Variants in FBXL7 observed in about 807,000 individuals in gnomAD.
The protein encoded by FBXL7 is F-box and leucine rich repeat protein 7.
FBXL7 carries 12 observed loss-of-function variants against 38.3 expected under a neutral mutation model. The ratio of observed to expected loss-of-function variants is 0.31; its 90% CI spans 0.20 to 0.51. The LOEUF is 0.51. Among genes scored for constraint, FBXL7 ranks in the 20% least tolerant of loss-of-function variants. The probability of loss-of-function intolerance (pLI) is 0.98; values close to 1 mark genes in which losing one functional copy is unlikely to be tolerated. For missense variants in FBXL7, 567 were observed against 676.4 expected (o/e 0.84, Z 1.79); for synonymous variants, 297 against 300.9 (o/e 0.99, Z 0.13).
At chr5:15,844,874 C>T (rs141405630) in intron 2 of FBXL7, among the ~76,000 whole-genome samples, 25 of 152,324 alleles carry the variant, frequency 1.6e-4, no homozygotes, top group Admixed American at 3.9e-4. Context: ...CCTGCATCCT[C>T]TCCCTAAAAA....
chr5:15,931,903 C>A (rs1471308304), intron 3 of FBXL7, among the ~76,000 whole-genome samples: 2 of 152,198 alleles, frequency 1.3e-5, no homozygotes, highest in Non-Finnish European at 2.9e-5. Context: ...TTCCCCGGCT[C>A]ACCCCCAGTG....
chr5:15,519,696 A>C (rs1737045882), intron 1 of FBXL7, among the ~76,000 whole-genome samples: 1 of 152,102 alleles, frequency 6.6e-6, no homozygotes, highest in South Asian at 2.1e-4. Context: ...AGCTACCCTT[A>C]TGTTATGGCA....
At chr5:15,690,318 A>G (rs1743142457) in intron 2 of FBXL7, among the ~76,000 whole-genome samples, 1 of 152,264 alleles carries the variant, frequency 6.6e-6, no homozygotes, top group Non-Finnish European at 1.5e-5. Flanking sequence ...AATGATTAGA[A>G]TAAATATACA....
intron 1 of FBXL7, among the ~76,000 whole-genome samples, chr5:15,572,774 T>G (rs1265755829): frequency 1.3e-5 from 2 of 152,146 alleles, no homozygotes; most frequent in Admixed American, 6.5e-5. Flanking sequence ...CAACCTATAG[T>G]CTGTCTTCTC....
At chr5:15,570,608 G>C (rs1738744154) in intron 1 of FBXL7, among the ~76,000 whole-genome samples, 1 of 152,146 alleles carries the variant, frequency 6.6e-6, no homozygotes, top group African/African-American at 2.4e-5. Context: ...TGACTGTTCA[G>C]CTCTATGCAA....
chr5:15,854,103 G>A (rs937231921), intron 2 of FBXL7, among the ~76,000 whole-genome samples: 2 of 152,170 alleles, frequency 1.3e-5, no homozygotes, highest in Non-Finnish European at 2.9e-5. Flanking sequence ...TCTTTAGAGA[G>A]AAATGGTTAT....
At chr5:15,729,839 A>G (rs1006119087) in intron 2 of FBXL7, among the ~76,000 whole-genome samples, 1 of 152,214 alleles carries the variant, frequency 6.6e-6, no homozygotes, top group East Asian at 1.9e-4. Context: ...AAAGGTTGGT[A>G]CTAGTGTTAT....
intron 2 of FBXL7, among the ~76,000 whole-genome samples, chr5:15,763,748 T>G (rs1736513587): frequency 6.6e-6 from 1 of 152,214 alleles, no homozygotes; most frequent in Non-Finnish European, 1.5e-5. Context: ...TAATAACAAT[T>G]ATAAACTGTT....
chr5:15,520,381 G>T (rs1006842419), intron 1 of FBXL7, among the ~76,000 whole-genome samples: 2 of 152,118 alleles, frequency 1.3e-5, no homozygotes, highest in African/African-American at 4.8e-5. Flanking sequence ...ATACCATAAT[G>T]AACTTTTTAA....
At chr5:15,870,267 G>A (rs1324860118) in intron 2 of FBXL7, among the ~76,000 whole-genome samples, 1 of 152,098 alleles carries the variant, frequency 6.6e-6, no homozygotes, top group African/African-American at 2.4e-5. Context: ...AGGCATTCAG[G>A]GGTTGCATGG....
chr5:15,531,356 T>A (rs1261669965), intron 1 of FBXL7, among the ~76,000 whole-genome samples: 1 of 152,212 alleles, frequency 6.6e-6, no homozygotes, highest in Non-Finnish European at 1.5e-5. Context: ...TTTTATAATT[T>A]TTCAAAAATT....
intron 2 of FBXL7, among the ~76,000 whole-genome samples, chr5:15,848,130 G>A (rs1738970514): frequency 6.6e-6 from 1 of 152,152 alleles, no homozygotes; most frequent in African/African-American, 2.4e-5. Context: ...CCATCCAGCA[G>A]TTGTACTGCT....
intron 1 of FBXL7, among the ~76,000 whole-genome samples, chr5:15,537,447 C>A (rs934934308): frequency 2.6e-5 from 4 of 152,178 alleles, no homozygotes; most frequent in African/African-American, 9.7e-5. Flanking sequence ...AAACCATTCA[C>A]TGCATAGAAG....
intron 2 of FBXL7, among the ~76,000 whole-genome samples, chr5:15,917,640 GGGAGGGAAGGAAGGAA>G (rs1286059717): frequency 7.5e-5 from 3 of 39,988 alleles, no homozygotes; most frequent in Non-Finnish European, 1.6e-4. Context: ...AGTAAAGGAA[GGGAGGGAAGGAAGGAA>G]GGAAGGAAGG....
intron 1 of FBXL7, among the ~76,000 whole-genome samples, chr5:15,515,305 A>G (rs1233994306): frequency 6.6e-6 from 1 of 152,202 alleles, no homozygotes; most frequent in Non-Finnish European, 1.5e-5. Context: ...CACTAAAGTG[A>G]CTTGACCAAT....
At chr5:15,835,206 C>T (rs1055925730) in intron 2 of FBXL7, among the ~76,000 whole-genome samples, 9 of 152,170 alleles carry the variant, frequency 5.9e-5, no homozygotes, top group Non-Finnish European at 1.2e-4. Context: ...AATAACCACT[C>T]TTGGCTATCA....
At chr5:15,561,515 A>T (rs1738416392) in intron 1 of FBXL7, among the ~76,000 whole-genome samples, 2 of 152,176 alleles carry the variant, frequency 1.3e-5, no homozygotes, top group Admixed American at 1.3e-4. Flanking sequence ...ATAATGCTGC[A>T]ATGAACATAG....
At position 15,550,344 on chromosome 5, in the gene FBXL7, AGGTAGCTGAGATGGTGTGATT is replaced by A. The variant is rs902163550; in HGVS notation, c.37+49652_37+49672del. Among the ~76,000 whole-genome samples the A allele has an allele frequency of 4.6e-5, 7 of 152,324 alleles. No individual in the cohort carries two copies. The East Asian group carries it at 7.7e-4, about 17-fold the overall frequency. ...CTTCTGGGACATATTTAACAGGCTC[AGGTAGCTGAGATGGTGTGATT>A]GGTAGCTGAGATGGTGTGATGGGTG... On this transcript the variant is annotated intron_variant, in intron 1 of 3. Coordinates refer to ENST00000504595, the MANE Select transcript of FBXL7 (RefSeq NM_012304.5).
intron 2 of FBXL7, among the ~76,000 whole-genome samples, chr5:15,682,781 G>A (rs116736047): frequency 3.4e-4 from 51 of 152,202 alleles, no homozygotes; most frequent in Non-Finnish European, 5.9e-4. Context: ...CATCTTAACT[G>A]ATGGAATCAG....
Sources: allele counts gnomAD v4.1 joint callset (sites outside exome capture counted in the v4.1 genomes callset), GRCh38; gene constraint gnomAD v4.1.1; transcripts MANE v1.5; gene names NCBI Gene and HGNC (gene_info 2026-07-23, HGNC 2026-07-21).